The following SGMS2 variants were observed in gnomAD, a reference collection of about 807,000 sequenced individuals.
SGMS2 encodes the protein sphingomyelin synthase 2, also known as phosphatidylcholine:ceramide cholinephosphotransferase 2.
A neutral mutation model predicts 43.8 loss-of-function variants in SGMS2; 21 were observed. The observed-to-expected ratio is 0.48, with a 90% confidence interval of 0.34 to 0.69. The LOEUF (loss-of-function observed/expected upper bound fraction) is 0.69. Among genes scored for constraint, SGMS2 ranks in the 30% least tolerant of loss-of-function variants. The pLI is 0.01. For synonymous variants in SGMS2, 167 were observed against 160.6 expected (o/e 1.04, Z -0.30); for missense variants, 384 against 443.2 (o/e 0.87, Z 1.20).
intron 1 of SGMS2, among the ~76,000 whole-genome samples, chr4:107,849,888 G>A (rs1005175621): frequency 1.3e-5 from 2 of 152,152 alleles, no homozygotes; most frequent in African/African-American, 4.8e-5. Flanking sequence ...AGTGAAAAAT[G>A]AGTGTGTGTA....
chr4:107,871,578 C>T (rs1036181858), intron 2 of SGMS2, among the ~76,000 whole-genome samples: 5 of 152,128 alleles, frequency 3.3e-5, no homozygotes, highest in East Asian at 1.9e-4. Flanking sequence ...AACAGGAGGA[C>T]ATAAATAATT....
At chr4:107,892,674 A>C (rs1730331672) in intron 2 of SGMS2, among the ~76,000 whole-genome samples, 1 of 152,152 alleles carries the variant, frequency 6.6e-6, no homozygotes, top group African/African-American at 2.4e-5. Flanking sequence ...AAGGTGGGAC[A>C]ACTCAAAGTG....
At chr4:107,880,775 A>G (rs992394623) in intron 2 of SGMS2, among the ~76,000 whole-genome samples, 1 of 150,974 alleles carries the variant, frequency 6.6e-6, no homozygotes, top group African/African-American at 2.4e-5. Flanking sequence ...GATCGCTTGA[A>G]CCTGGGAGGC....
intron 2 of SGMS2, among the ~76,000 whole-genome samples, chr4:107,880,990 A>T (rs1250683866): frequency 6.6e-6 from 1 of 152,184 alleles, no homozygotes; most frequent in African/African-American, 2.4e-5. Context: ...ACCCACGTGT[A>T]TTACAGATTT....
Position 107,825,627 on chromosome 4 carries a change from T to TTG in SGMS2, c.-327+375_-327+376insGT, listed in dbSNP as rs755373585. Reference sequence around the variant, plus strand: ...GGTTTTTCTTTTCTTTCTCTTTTTTTTTTTTTTTTTTTTTGAGAGGCACTT... The same window carrying TTG: ...GGTTTTTCTTTTCTTTCTCTTTTTTTTGTTTTTTTTTTTTTTGAGAGGCACTT... On this transcript the variant is annotated intron_variant, in intron 1 of 6. Transcript: ENST00000690982. 1.9e-3 allele frequency among the ~76,000 whole-genome samples: 255 copies of TTG among 131,532 alleles called. 2 individuals are homozygous for TTG. The highest frequency in any genetic ancestry group is 6.5e-3 in the African/African-American group (244 of 37,590). The allele number at this position is 131,532 out of a possible 152,430, so 86.3% of individuals were successfully genotyped here.
At chr4:107,844,152 C>A (rs528987585) in intron 1 of SGMS2, among the ~76,000 whole-genome samples, 1 of 151,694 alleles carries the variant, frequency 6.6e-6, no homozygotes, top group East Asian at 2.0e-4. Flanking sequence ...GAAACCCAGT[C>A]TCTACTAAAA....
intron 2 of SGMS2, among the ~76,000 whole-genome samples, chr4:107,869,466 A>T (rs1728389585): frequency 6.6e-6 from 1 of 152,192 alleles, no homozygotes; most frequent in African/African-American, 2.4e-5. Flanking sequence ...AGTTTCAAAA[A>T]TTGAGGCTAG....
chr4:107,837,553 G>A (rs973935573), intron 1 of SGMS2, among the ~76,000 whole-genome samples: 8 of 152,138 alleles, frequency 5.3e-5, no homozygotes, highest in African/African-American at 1.7e-4. Context: ...GAGTTGGGTA[G>A]GGCTGGCATG....
rs11945554 is a variant in SGMS2, at chr4:107,911,130, A to T, written c.*577A>T. On this transcript the variant is annotated 3_prime_UTR_variant, in exon 7 of 7. Transcript: ENST00000690982. Reference sequence around the variant, plus strand: ...CTGCTGCTGCCACCCAATGCGCTACATATCACTTTTTTTTGTTTTGTTTTG... The same window carrying T: ...CTGCTGCTGCCACCCAATGCGCTACTTATCACTTTTTTTTGTTTTGTTTTG... 6.6e-6 allele frequency: 1 copy of T among 152,018 alleles called. No homozygotes were observed. The highest frequency in any genetic ancestry group is 1.5e-5 in the Non-Finnish European group (1 of 68,044). 9.4% of individuals were successfully genotyped at this position (152,018 alleles called of 1,614,324 possible).
At chr4:107,854,840 C>A (rs1422106090) in intron 1 of SGMS2, among the ~76,000 whole-genome samples, 1 of 152,162 alleles carries the variant, frequency 6.6e-6, no homozygotes, top group African/African-American at 2.4e-5. Context: ...CGTCATATGG[C>A]GGTCTTCCCT....
intron 1 of SGMS2, among the ~76,000 whole-genome samples, chr4:107,836,871 G>T (rs968584218): frequency 6.6e-6 from 1 of 152,146 alleles, no homozygotes. Flanking sequence ...GGCAGGGGAG[G>T]GAAGGGAGAG....
chr4:107,845,992 T>G (rs946622649), intron 1 of SGMS2, among the ~76,000 whole-genome samples: 2 of 152,200 alleles, frequency 1.3e-5, no homozygotes, highest in Non-Finnish European at 2.9e-5. Flanking sequence ...TAGAATGCTC[T>G]TTACTTTTAG....
At chr4:107,827,500 C>T (rs1167157818) in intron 1 of SGMS2, among the ~76,000 whole-genome samples, 3 of 152,160 alleles carry the variant, frequency 2.0e-5, no homozygotes, top group Non-Finnish European at 4.4e-5. Context: ...AATAAGAGAT[C>T]TGGTGGCATT....
chr4:107,873,437 T>G (rs1728688800), intron 2 of SGMS2: 1 of 152,100 alleles, frequency 6.6e-6, no homozygotes, highest in Admixed American at 6.6e-5. Flanking sequence ...ATTTCTGAAA[T>G]CACTTGCCTT....
intron 1 of SGMS2, among the ~76,000 whole-genome samples, chr4:107,842,406 A>G (rs1726570801): frequency 1.3e-5 from 2 of 152,110 alleles, no homozygotes; most frequent in African/African-American, 4.8e-5. Flanking sequence ...CTTTTAAACA[A>G]CCAGATCTCA....
At position 107,911,416 on chromosome 4, in the gene SGMS2, T is replaced by G. The variant is rs1732113844; in HGVS notation, c.*863T>G. ...CTAGCACAGGCTGAAAACACGTGTG[T>G]GTCAACTGAGGTTCACACCACTTGG... On this transcript the variant is annotated 3_prime_UTR_variant, in exon 7 of 7. Coordinates refer to ENST00000690982, the MANE Select transcript of SGMS2 (RefSeq NM_001375905.1). The G allele has an allele frequency of 6.6e-6, 1 of 152,220 alleles. No homozygotes were observed. Among genetic ancestry groups the G allele is most frequent in the African/African-American group, 2.4e-5 (1 of 41,474 alleles). 9.4% of individuals were successfully genotyped at this position (152,220 alleles called of 1,614,324 possible). A position where few individuals can be genotyped will look rare whatever the true frequency, so the allele number is the denominator to read the frequency against.
intron 2 of SGMS2, among the ~76,000 whole-genome samples, chr4:107,865,431 A>G (rs536819882): frequency 6.6e-6 from 1 of 152,306 alleles, no homozygotes; most frequent in Non-Finnish European, 1.5e-5. Flanking sequence ...ATATTATTAT[A>G]TTTCAATTTT....
intron 2 of SGMS2, among the ~76,000 whole-genome samples, chr4:107,861,463 CAAATT>C: frequency 6.6e-6 from 1 of 152,162 alleles, no homozygotes; most frequent in Non-Finnish European, 1.5e-5. Context: ...CTACGAACCC[CAAATT>C]AGAAAACTTG....
intron 1 of SGMS2, among the ~76,000 whole-genome samples, chr4:107,852,101 CTT>C (rs1392520312): frequency 1.3e-5 from 2 of 150,876 alleles, no homozygotes; most frequent in East Asian, 3.9e-4. Context: ...CAGAGTCTCA[CTT>C]TTTCACCCAG....
Sources: gnomAD v4.1 joint callset for allele counts (sites outside exome capture counted in the v4.1 genomes callset) on GRCh38, gnomAD v4.1.1 for gene constraint, MANE v1.5 for transcripts, NCBI Gene and HGNC (gene_info 2026-07-23, HGNC 2026-07-21) for gene names.